The following GRM7 variants were observed in gnomAD, a reference collection of about 807,000 sequenced individuals.
The protein encoded by GRM7 is glutamate metabotropic receptor 7, also known as metabotropic glutamate receptor 7.
Under a neutral mutation model 84.5 loss-of-function variants are expected in GRM7, and 35 were observed. That is an observed-to-expected ratio of 0.41 (90% CI 0.32 to 0.55). The LOEUF (loss-of-function observed/expected upper bound fraction) is 0.55. Among genes scored for constraint, GRM7 ranks in the 20% least tolerant of loss-of-function variants. GRM7 has a pLI of 0.19. For synonymous variants in GRM7, 487 were observed against 455.1 expected, an observed-to-expected ratio of 1.07 and a Z score of -0.89; for missense variants, 1,003 against 1,194.6, an observed-to-expected ratio of 0.84 and a Z score of 2.36.
chr3:7,193,216 T>G (rs114865769), intron 2 of GRM7, among the ~76,000 whole-genome samples: 2,354 of 152,210 alleles, frequency 0.015, 43 homozygotes, highest in African/African-American at 0.045. Context: ...GATAGGTAGA[T>G]AGCTGAATGA....
intron 2 of GRM7, among the ~76,000 whole-genome samples, chr3:7,163,965 G>A (rs1204550170): frequency 1.3e-5 from 2 of 152,158 alleles, no homozygotes; most frequent in African/African-American, 4.8e-5. Flanking sequence ...AAGTCATCTT[G>A]ACATCATCCC....
intron 1 of GRM7, among the ~76,000 whole-genome samples, chr3:7,123,265 A>C (rs1693284438): frequency 6.6e-6 from 1 of 152,240 alleles, no homozygotes; most frequent in East Asian, 1.9e-4. Context: ...GGGAGGTCAG[A>C]GTACCAGAAT....
intron 1 of GRM7, among the ~76,000 whole-genome samples, chr3:6,984,341 A>G (rs187235583): frequency 3.3e-5 from 5 of 152,210 alleles, no homozygotes; most frequent in African/African-American, 1.2e-4. Flanking sequence ...TGGGGAGAAG[A>G]AACAATATTT....
intron 7 of GRM7, among the ~76,000 whole-genome samples, chr3:7,465,856 C>T (rs1423093000): frequency 6.6e-6 from 1 of 152,014 alleles, no homozygotes; most frequent in Non-Finnish European, 1.5e-5. Flanking sequence ...CTCTGCTGTT[C>T]CCTGTGCAAT....
chr3:7,541,315 G>A (rs927503389), intron 7 of GRM7, among the ~76,000 whole-genome samples: 1 of 152,000 alleles, frequency 6.6e-6, no homozygotes. Flanking sequence ...GAAATTTGGA[G>A]CCAAACTTAT....
At chr3:7,390,582 TG>T (rs1371571843) in intron 4 of GRM7, among the ~76,000 whole-genome samples, 1 of 152,072 alleles carries the variant, frequency 6.6e-6, no homozygotes, top group Non-Finnish European at 1.5e-5. Context: ...TTGGTCTAAT[TG>T]GGTTGATTTG....
intron 1 of GRM7, among the ~76,000 whole-genome samples, chr3:6,946,232 T>G (rs1194424996): frequency 6.6e-6 from 1 of 152,224 alleles, no homozygotes; most frequent in Non-Finnish European, 1.5e-5. Context: ...GAATTAATTT[T>G]TGTATAAGGT....
intron 7 of GRM7, among the ~76,000 whole-genome samples, chr3:7,496,542 G>A (rs541886114): frequency 1.3e-5 from 2 of 152,232 alleles, no homozygotes; most frequent in South Asian, 4.1e-4. Flanking sequence ...CACAGTCCTG[G>A]ATTAGATCTT....
chr3:6,877,081 C>G (rs1251670524), intron 1 of GRM7, among the ~76,000 whole-genome samples: 1 of 152,180 alleles, frequency 6.6e-6, no homozygotes, highest in Non-Finnish European at 1.5e-5. Context: ...GGATGGAGGG[C>G]TGTTTTATGA....
intron 5 of GRM7, among the ~76,000 whole-genome samples, chr3:7,418,371 G>C (rs539899622): frequency 6.6e-6 from 1 of 152,254 alleles, no homozygotes; most frequent in Admixed American, 6.5e-5. Context: ...GCAAGTATGT[G>C]GTTGTCCAAG....
intron 1 of GRM7, among the ~76,000 whole-genome samples, chr3:6,894,522 T>C (rs1461019846): frequency 6.6e-6 from 1 of 152,112 alleles, no homozygotes; most frequent in Non-Finnish European, 1.5e-5. Flanking sequence ...AATATATACA[T>C]TGTAATTGTA....
chr3:7,422,735 TTTA>T (rs913307085), intron 5 of GRM7, among the ~76,000 whole-genome samples: 2 of 152,152 alleles, frequency 1.3e-5, no homozygotes, highest in African/African-American at 4.8e-5. Flanking sequence ...CAGTCCTTTA[TTTA>T]TTATTATTAT....
At chr3:7,186,223 T>A (rs887921644) in intron 2 of GRM7, among the ~76,000 whole-genome samples, 3 of 152,226 alleles carry the variant, frequency 2.0e-5, no homozygotes, top group Non-Finnish European at 4.4e-5. Flanking sequence ...TCACCCATAT[T>A]TCAAGTTGCG....
chr3:7,430,791 A>T (rs1575324772), intron 5 of GRM7, among the ~76,000 whole-genome samples: 1 of 152,206 alleles, frequency 6.6e-6, no homozygotes, highest in Admixed American at 6.5e-5. Flanking sequence ...GTCTCAGAAG[A>T]TACAGATAGG....
At chr3:7,410,586 T>A (rs1386557073) in intron 4 of GRM7, among the ~76,000 whole-genome samples, 131 of 94,616 alleles carry the variant, frequency 1.4e-3, no homozygotes, top group African/African-American at 5.8e-3. Flanking sequence ...AAACAAAATA[T>A]ATATATATAT....
chr3:7,165,628 C>G (rs1190742764), intron 2 of GRM7, among the ~76,000 whole-genome samples: 1 of 152,170 alleles, frequency 6.6e-6, no homozygotes, highest in African/African-American at 2.4e-5. Flanking sequence ...GATATCTATA[C>G]AGCTAATCAA....
In GRM7 at chr3:7,435,111, T is replaced by C. The variant is rs368227052; in HGVS notation, c.1175-17496T>C. ...TGTTCATAATGTTTCTTATTATTTATTTAGTGTCTGTTGCATCTGTAGTGA... is the reference window on the plus strand; with the variant it reads ...TGTTCATAATGTTTCTTATTATTTACTTAGTGTCTGTTGCATCTGTAGTGA... On this transcript the variant is annotated intron_variant, in intron 5 of 9. Coordinates refer to ENST00000357716, the MANE Select transcript of GRM7 (RefSeq NM_000844.4). 5.3e-5 allele frequency among the ~76,000 whole-genome samples: 8 copies of C among 152,254 alleles called. No individual in the cohort carries two copies. In the South Asian group the frequency reaches 1.0e-3, roughly 20 times the overall value.
rs188786613 is a variant in GRM7, at chr3:7,446,264, A to G, written c.1175-6343A>G. On this transcript the variant is annotated intron_variant, in intron 5 of 9. Coordinates refer to ENST00000357716, the MANE Select transcript of GRM7 (RefSeq NM_000844.4). ...ATTAATGTTTGAAATAAAAATTTCA[A>G]TTATTCACTCCCTTAAAACCACATG... Among the ~76,000 whole-genome samples, 23 of 152,306 alleles carry G rather than the reference A, an allele frequency of 1.5e-4. 1 individual carries two copies. Among genetic ancestry groups the G allele is most frequent in the Admixed American group, 1.3e-3 (20 of 15,294 alleles).
rs536337700 is a variant in GRM7, at chr3:6,947,050, A to C, written c.519+85143A>C. On this transcript the variant is annotated intron_variant, in intron 1 of 9. Transcript: ENST00000357716. ...CTAATTGAATGCCCTTTATTTCCTT[A>C]TCCTGCCTGATTGCCCTGGCCAGAA... 1.2e-3 allele frequency among the ~76,000 whole-genome samples: 186 copies of C among 152,160 alleles called. 1 individual carries two copies. Among genetic ancestry groups the C allele is most frequent in the East Asian group, 3.7e-3 (19 of 5,156 alleles).
Sources: allele counts gnomAD v4.1 joint callset (sites outside exome capture counted in the v4.1 genomes callset), GRCh38; gene constraint gnomAD v4.1.1; transcripts MANE v1.5; gene names NCBI Gene and HGNC (gene_info 2026-07-23, HGNC 2026-07-21).